GGT5: variants seen among roughly 807,000 people sequenced by gnomAD.
GGT5 encodes the protein gamma-glutamyltransferase 5.
Under a neutral mutation model 58.1 loss-of-function variants are expected in GGT5, and 50 were observed. The observed-to-expected ratio is 0.86, with a 90% CI of 0.69 to 1.09. The LOEUF is 1.09. GGT5 is among the 50% of genes least tolerant of loss of function. GGT5 has a pLI of 0.00. For missense variants in GGT5, 800 were observed against 789.4 expected, an observed-to-expected ratio of 1.01 and a Z score of -0.16; for synonymous variants, 370 against 346.1, an observed-to-expected ratio of 1.07 and a Z score of -0.77.
chr22:24,235,350 G>T (rs1347583303), intron 1 of GGT5, among the ~76,000 whole-genome samples: 1 of 152,154 alleles, frequency 6.6e-6, no homozygotes, highest in Non-Finnish European at 1.5e-5. Flanking sequence ...GAGCCACTGT[G>T]CCCGGCCAGA....
chr22:24,243,502 T>G (rs2048379538), intron 1 of GGT5: 1 of 152,118 alleles, frequency 6.6e-6, no homozygotes, highest in South Asian at 2.1e-4. Flanking sequence ...GGTGAATGAA[T>G]GAACAGAGAG....
chr22:24,225,214 G>A (rs199510644), intron 10 of GGT5, 31 bp downstream of exon 10: 2 of 1,607,576 alleles, frequency 1.2e-6, no homozygotes, highest in East Asian at 2.2e-5. Context: ...GCCCAGAGAG[G>A]AGACACTCGA....
intron 1 of GGT5, among the ~76,000 whole-genome samples, chr22:24,236,415 A>G (rs969142167): frequency 6.6e-5 from 10 of 152,094 alleles, no homozygotes; most frequent in Admixed American, 2.0e-4. Flanking sequence ...GGGTTATTGC[A>G]ATGGCCTCCT....
chr22:24,244,332 C>T, intron 1 of GGT5: 1 of 565,974 alleles, frequency 1.8e-6, no homozygotes, highest in Non-Finnish European at 3.2e-6. Context: ...CACACATACA[C>T]ATACCCACAC....
chr22:24,232,995 C>T lies in GGT5; in HGVS notation c.424G>A (p.Gly142Arg), dbSNP rs767855596. ...GTGAQWIGVP[G>R]ELRGYAEAHR... ...GCCTCGGCATAGCCACGGAGCTCCC[C>T]GGGCACCCCGATCCACTGGGCCCCT... is the stretch of plus-strand genomic sequence containing the variant. Residue 142 changes from glycine (G) to arginine (R), a missense_variant, in exon 4 of 12, where the codon GGG (glycine) becomes AGG (arginine). Coordinates refer to ENST00000327365, the MANE Select transcript of GGT5 (RefSeq NM_004121.5). 15 of 1,548,460 alleles carry T rather than the reference C, an allele frequency of 9.7e-6. No homozygotes were observed. The highest frequency in any genetic ancestry group is 2.3e-4 in the Middle Eastern group (1 of 4,394).
intron 1 of GGT5, among the ~76,000 whole-genome samples, chr22:24,240,879 CG>C (rs2048308011): frequency 6.6e-6 from 1 of 152,092 alleles, no homozygotes; most frequent in Non-Finnish European, 1.5e-5. Context: ...TACTAGGAGA[CG>C]GGTGCAGTAG....
chr22:24,240,763 T>C (rs2048305420), intron 1 of GGT5, among the ~76,000 whole-genome samples: 1 of 152,124 alleles, frequency 6.6e-6, no homozygotes, highest in African/African-American at 2.4e-5. Context: ...AAAGTGCCAA[T>C]TACAGGCATG....
chr22:24,220,614 A>T (rs1419221770), intron 11 of GGT5: 1 of 453,930 alleles, frequency 2.2e-6, no homozygotes, highest in East Asian at 7.0e-5. Context: ...AAATAAAAAA[A>T]AGCCAGGCGT....
rs2047536406 is a variant in GGT5, at chr22:24,219,833, G to A, written c.*137C>T. 1.7e-5 allele frequency: 14 copies of A among 800,360 alleles called. No homozygotes were observed. The highest frequency in any genetic ancestry group is 5.2e-5 in the East Asian group (2 of 38,240). 49.6% of individuals were successfully genotyped at this position (800,360 alleles called of 1,614,324 possible). ...CCTCTCATCTGCCCAGCTGGTCCCCGCCACCTCTTCCACTCTCAGCTGGAC... is the reference window on the plus strand; with the variant it reads ...CCTCTCATCTGCCCAGCTGGTCCCCACCACCTCTTCCACTCTCAGCTGGAC... On this transcript the variant is annotated 3_prime_UTR_variant, in exon 12 of 12. Transcript: ENST00000327365.
At chr22:24,232,749 G>T (rs918866683) in intron 4 of GGT5, 74 bp downstream of exon 4, 111 of 1,043,116 alleles carry the variant, frequency 1.1e-4, no homozygotes, top group Non-Finnish European at 1.4e-4. Flanking sequence ...CTGAGGCAGA[G>T]CTGGGGTGTG....
At position 24,232,144 on chromosome 22, in the gene GGT5, C is replaced by T. The variant is rs755144395; in HGVS notation, c.661G>A (p.Ala221Thr). 5 of 1,600,184 alleles carry T rather than the reference C, an allele frequency of 3.1e-6. No individual in the cohort carries two copies. Among genetic ancestry groups the T allele is most frequent in the Non-Finnish European group, 4.3e-6 (5 of 1,172,032 alleles). The change falls in exon 5 of 12, where the codon GCC becomes ACC. Residue 221 changes from alanine to threonine, a missense_variant. Coordinates refer to ENST00000327365, the MANE Select transcript of GGT5 (RefSeq NM_004121.5). ...GTGGCCACGGTCTCCAGGGTGGTGG[C>T]CAGTGCAGGCCATGGGAGTGGGTCC... ...PQDPLPWPAL[A>T]TTLETVATEG...
chr22:24,233,726 G>A, intron 2 of GGT5, 133 bp from the exon 3 acceptor site: 1 of 886,696 alleles, frequency 1.1e-6, no homozygotes, highest in Non-Finnish European at 1.8e-6. Context: ...TGACACAAGG[G>A]CTTTGCACAG....
At position 24,235,699 on chromosome 22, in the gene GGT5, A is replaced by C. The variant is rs575671884; in HGVS notation, c.174-1695T>G. Reference sequence around the variant, plus strand: ...AACACCATAAACAAAGCCAAATGACAAACTGGGGGAAAAAACACTTTAAAC... The same window carrying C: ...AACACCATAAACAAAGCCAAATGACCAACTGGGGGAAAAAACACTTTAAAC... On this transcript the variant is annotated intron_variant, in intron 1 of 11. Coordinates refer to ENST00000327365, the MANE Select transcript of GGT5 (RefSeq NM_004121.5). 3.3e-4 allele frequency among the ~76,000 whole-genome samples: 51 copies of C among 152,368 alleles called. 1 individual carries two copies. The South Asian group carries it at 9.7e-3, about 29-fold the overall frequency.
intron 6 of GGT5, among the ~76,000 whole-genome samples, chr22:24,229,393 G>A (rs1157490883): frequency 1.3e-5 from 2 of 151,172 alleles, no homozygotes; most frequent in African/African-American, 2.4e-5. Context: ...GCGACAGAGC[G>A]AGACTCTGTC....
chr22:24,237,971 T>TA (rs2048147730), intron 1 of GGT5, among the ~76,000 whole-genome samples: 2 of 152,042 alleles, frequency 1.3e-5, no homozygotes, highest in South Asian at 2.1e-4. Flanking sequence ...CTCACGCCTG[T>TA]AATCCCATCA....
chr22:24,233,735 A>G, intron 2 of GGT5, 139 bp downstream of exon 2: 1 of 933,592 alleles, frequency 1.1e-6, no homozygotes, highest in Non-Finnish European at 1.7e-6. Context: ...GGCTTTGCAC[A>G]GCTGAGGCAA....
At chr22:24,220,906 G>A (rs1954915181) in intron 11 of GGT5, among the ~76,000 whole-genome samples, 1 of 152,078 alleles carries the variant, frequency 6.6e-6, no homozygotes. Context: ...AAAATTAGTC[G>A]GATGTGGTGG....
intron 1 of GGT5, among the ~76,000 whole-genome samples, chr22:24,234,278 A>T (rs1352583060): frequency 6.6e-6 from 1 of 152,132 alleles, no homozygotes; most frequent in East Asian, 1.9e-4. Flanking sequence ...TTCTGTTGCC[A>T]TTGTTCCCAG....
intron 6 of GGT5, among the ~76,000 whole-genome samples, chr22:24,230,550 A>G (rs968370197): frequency 3.3e-5 from 5 of 151,976 alleles, no homozygotes; most frequent in Admixed American, 1.3e-4. Context: ...AGAGCAAGAC[A>G]CCGTCTCAAT....
Sources: gnomAD v4.1 joint callset for allele counts (sites outside exome capture counted in the v4.1 genomes callset) on GRCh38, gnomAD v4.1.1 for gene constraint, MANE v1.5 for transcripts, NCBI Gene and HGNC (gene_info 2026-07-23, HGNC 2026-07-21) for gene names.